The following TMEM164 variants were observed in gnomAD, a reference collection of about 807,000 sequenced individuals.
The protein encoded by TMEM164 is transmembrane protein 164.
Under a neutral mutation model 18.8 loss-of-function variants are expected in TMEM164, and 4 were observed. The ratio of observed to expected loss-of-function variants is 0.21; its 90% CI spans 0.10 to 0.49. The LOEUF (loss-of-function observed/expected upper bound fraction) is 0.49. TMEM164 is among the 20% of genes least tolerant of loss of function. The pLI, the probability that TMEM164 is intolerant of heterozygous loss-of-function variation, is 0.98. For missense variants in TMEM164, 108 were observed against 239.9 expected (o/e 0.45, Z 3.63); for synonymous variants, 86 against 101.7 (o/e 0.85, Z 0.93).
intron 2 of TMEM164, among the ~76,000 whole-genome samples, chrX:110,044,978 G>T (rs1181228200): frequency 9.0e-6 from 1 of 111,632 alleles, no homozygotes; most frequent in African/African-American, 3.3e-5. Context: ...TTACTCTCTG[G>T]CATGTATCAC....
chrX:110,023,390 C>T (rs1934014707), intron 2 of TMEM164, among the ~76,000 whole-genome samples: 1 of 110,084 alleles, frequency 9.1e-6, no homozygotes, highest in African/African-American at 3.3e-5. Context: ...ATGGGTGGGC[C>T]TGAGAGTTAG....
intron 4 of TMEM164, among the ~76,000 whole-genome samples, chrX:110,109,896 T>C (rs1375363365): frequency 8.9e-6 from 1 of 112,579 alleles, no homozygotes; most frequent in African/African-American, 3.2e-5. Flanking sequence ...GCAGGTCACA[T>C]TGAGAAGCTC....
intron 2 of TMEM164, 145 bp downstream of exon 2, chrX:110,004,309 G>A (rs371326879): frequency 4.0e-6 from 3 of 757,359 alleles, no homozygotes; most frequent in Non-Finnish European, 5.6e-6. Flanking sequence ...CCTTTGTGCC[G>A]ATTTCAGGTT....
chrX:110,079,361 T>TG (rs769569270), intron 3 of TMEM164, among the ~76,000 whole-genome samples: 45 of 111,901 alleles, frequency 4.0e-4, no homozygotes, highest in African/African-American at 1.4e-3. Context: ...ACAAGCAAAA[T>TG]GTGTTGAGCA....
At chrX:110,095,039 G>A (rs1222853411) in intron 3 of TMEM164, among the ~76,000 whole-genome samples, 38 of 112,127 alleles carry the variant, frequency 3.4e-4, no homozygotes, top group African/African-American at 1.2e-3. Context: ...AGTTTCTGCC[G>A]CAAGATCTGC....
At chrX:110,035,952 C>G (rs1175208109) in intron 2 of TMEM164, among the ~76,000 whole-genome samples, 5 of 110,357 alleles carry the variant, frequency 4.5e-5, no homozygotes, top group Non-Finnish European at 9.5e-5. Flanking sequence ...AAAGGTAGTG[C>G]TTATGTACAT....
rs748516247 is a variant in TMEM164 at position 110,164,504 on chromosome X, C to CAGATAT, written c.587-6915_587-6914insGATATA. ...AGATTAGGGAGGGGCTACAGATATA[C>CAGATAT]ATAATTATAAGGTCTCAGGCACGAC... On this transcript the variant is annotated intron_variant, in intron 5 of 6. Transcript: ENST00000372068. Among the ~76,000 whole-genome samples the CAGATAT allele has an allele frequency of 8.7e-4, 97 of 111,136 alleles. 2 individuals are homozygous for CAGATAT. The highest frequency in any genetic ancestry group is 9.2e-3 in the Middle Eastern group (2 of 217).
At chrX:110,160,606 G>T (rs993411429) in intron 5 of TMEM164, among the ~76,000 whole-genome samples, 1 of 112,030 alleles carries the variant, frequency 8.9e-6, no homozygotes, top group Non-Finnish European at 1.9e-5. Context: ...TGGGGTGCAG[G>T]GGGTGGGGTG....
At chrX:110,166,320 T>C (rs1019885943) in intron 5 of TMEM164, among the ~76,000 whole-genome samples, 6 of 112,578 alleles carry the variant, frequency 5.3e-5, no homozygotes, top group African/African-American at 1.9e-4. Context: ...AACTACACCA[T>C]TGCATTATTC....
At chrX:110,171,824 C>T (rs1602748795) in intron 6 of TMEM164, among the ~76,000 whole-genome samples, 1 of 112,127 alleles carries the variant, frequency 8.9e-6, no homozygotes, top group South Asian at 3.7e-4. Flanking sequence ...GTTGTGGACC[C>T]CATGGGGAGG....
At chrX:110,121,214 GA>G (rs2066444799) in intron 4 of TMEM164, among the ~76,000 whole-genome samples, 1 of 112,364 alleles carries the variant, frequency 8.9e-6, no homozygotes, top group African/African-American at 3.2e-5. Context: ...ATTTACAAAT[GA>G]AAAGTTTATC....
intron 2 of TMEM164, among the ~76,000 whole-genome samples, chrX:110,017,621 G>C (rs1490629038): frequency 1.0e-5 from 1 of 96,202 alleles, no homozygotes; most frequent in African/African-American, 3.8e-5. Context: ...CCAGGCTGGA[G>C]TACAATGGCA....
intron 5 of TMEM164, among the ~76,000 whole-genome samples, chrX:110,149,747 T>C (rs776953420): frequency 2.7e-5 from 3 of 111,899 alleles, no homozygotes; most frequent in Non-Finnish European, 5.6e-5. Flanking sequence ...TCAACTTCTC[T>C]ACCTAAATGT....
At chrX:110,163,969 G>T (rs2067126944) in intron 5 of TMEM164, among the ~76,000 whole-genome samples, 1 of 112,323 alleles carries the variant, frequency 8.9e-6, no homozygotes, top group African/African-American at 3.2e-5. Flanking sequence ...GGGAAGCAAG[G>T]TTAATATCTG....
intron 2 of TMEM164, among the ~76,000 whole-genome samples, chrX:110,004,423 C>G (rs1222467526): frequency 9.0e-6 from 1 of 111,183 alleles, no homozygotes; most frequent in African/African-American, 3.3e-5. Context: ...GCTGCCCCTC[C>G]CTTCCAGCCC....
Position 110,018,242 on chromosome X carries a change from G to A in TMEM164, c.390+14078G>A, listed in dbSNP as rs150851878. ...GTGACAAAGGCCAAAGAAGAAAAAC[G>A]TCAGAATAATCTGTCAGCCCAGTAG... On this transcript the variant is annotated intron_variant, in intron 2 of 6. Transcript: ENST00000372068. 1.6e-4 allele frequency among the ~76,000 whole-genome samples: 18 copies of A among 112,369 alleles called. No individual in the cohort carries two copies. The East Asian group carries it at 2.5e-3, about 16-fold the overall frequency.
intron 4 of TMEM164, among the ~76,000 whole-genome samples, chrX:110,132,251 A>G (rs1342619213): frequency 8.9e-6 from 1 of 111,843 alleles, no homozygotes; most frequent in Non-Finnish European, 1.9e-5. Flanking sequence ...TCGTCCATGT[A>G]TAGCCTGCTT....
chrX:110,173,041 C>T (rs990840114), intron 6 of TMEM164, among the ~76,000 whole-genome samples: 41 of 112,082 alleles, frequency 3.7e-4, no homozygotes, highest in Admixed American at 3.5e-3. Flanking sequence ...TTCCACTAGA[C>T]GGCCCTCCGC....
At chrX:110,129,350 A>C (rs754401449) in intron 4 of TMEM164, among the ~76,000 whole-genome samples, 2 of 112,390 alleles carry the variant, frequency 1.8e-5, no homozygotes, top group South Asian at 7.3e-4. Context: ...GCTTTATGAG[A>C]GTTATCTCCT....
Sources: allele counts gnomAD v4.1 joint callset (sites outside exome capture counted in the v4.1 genomes callset), GRCh38; gene constraint gnomAD v4.1.1; transcripts MANE v1.5; gene names NCBI Gene and HGNC (gene_info 2026-07-23, HGNC 2026-07-21).